FNTB: variants seen among roughly 807,000 people sequenced by gnomAD.
FNTB encodes the protein protein farnesyltransferase subunit beta.
In FNTB, 27 loss-of-function variants were observed where a neutral mutation model predicts 59.4. That is an observed-to-expected ratio of 0.45 (90% CI 0.34 to 0.63). FNTB has a LOEUF of 0.63. Among genes scored for constraint, FNTB ranks in the 20% least tolerant of loss-of-function variants. The pLI, the probability that FNTB is intolerant of heterozygous loss-of-function variation, is 0.02. For synonymous variants in FNTB, 230 were observed against 220.7 expected (o/e 1.04, Z -0.37); for missense variants, 449 against 559.6 (o/e 0.80, Z 1.99).
rs1484271652 is a variant in FNTB at position 64,990,527 on chromosome 14, G to T, written c.144+3430G>T. 6.6e-6 allele frequency among the ~76,000 whole-genome samples: 1 copy of T among 152,198 alleles called. No homozygotes were observed. The highest frequency in any genetic ancestry group is 1.5e-5 in the Non-Finnish European group (1 of 68,038). On this transcript the variant is annotated intron_variant, in intron 1 of 11. Coordinates refer to ENST00000246166, the MANE Select transcript of FNTB (RefSeq NM_002028.4). This position sits in a 1 kb window ranked among gnomAD's most constrained non-coding sequence, Gnocchi z 5.2. Reference sequence around the variant, plus strand: ...CTTCACACCTTCAGGTCTATGAGGAGTTCAGGTACCCCTGATTTACCAGCT... The same window carrying T: ...CTTCACACCTTCAGGTCTATGAGGATTTCAGGTACCCCTGATTTACCAGCT...
intron 9 of FNTB, among the ~76,000 whole-genome samples, chr14:65,052,971 T>C (rs563389184): frequency 5.4e-4 from 83 of 152,312 alleles, no homozygotes; most frequent in African/African-American, 1.7e-3. Flanking sequence ...AGAGATGTGG[T>C]TGAGGATCAC....
chr14:65,027,093 G>A lies in FNTB; in HGVS notation c.375-360G>A, dbSNP rs754617503. Among the ~76,000 whole-genome samples, 2 of 152,118 alleles carry A rather than the reference G, an allele frequency of 1.3e-5. No homozygotes were observed. Among genetic ancestry groups the A allele is most frequent in the African/African-American group, 2.4e-5 (1 of 41,418 alleles). On this transcript the variant is annotated intron_variant, in intron 4 of 11. Transcript: ENST00000246166. The surrounding 1 kb of genome is among the most constrained non-coding windows in gnomAD (Gnocchi z 5.7). ...CCCAAAGGCAAGGAGGAGGAGGCTG[G>A]TACCACAGGTCCAGGGCAGCAAGTT...
intron 3 of FNTB, among the ~76,000 whole-genome samples, chr14:65,013,729 G>A (rs2061721727): frequency 6.6e-6 from 1 of 152,252 alleles, no homozygotes; most frequent in South Asian, 2.1e-4. Flanking sequence ...TGTATTTTTA[G>A]TAGAGACAGG....
chr14:65,019,468 CAGA>C (rs1210556327), intron 4 of FNTB, among the ~76,000 whole-genome samples: 2 of 151,858 alleles, frequency 1.3e-5, no homozygotes, highest in Non-Finnish European at 1.5e-5. Flanking sequence ...GCCTGGGTAA[CAGA>C]AGGAGACTGT....
rs1453407236 is a variant in FNTB, at chr14:65,054,861, C to A, written c.1182+172C>A. On this transcript the variant is annotated intron_variant, in intron 11 of 11. Coordinates refer to ENST00000246166, the MANE Select transcript of FNTB (RefSeq NM_002028.4). This position sits in a 1 kb window ranked among gnomAD's most constrained non-coding sequence, Gnocchi z 4.4. ...AGTGAGGATGTGACCACAGAGGAGA[C>A]GCACCTCTGGGCAAGCTCAGGGTTC... is the stretch of plus-strand genomic sequence containing the variant. Among the ~76,000 whole-genome samples, 1 of 152,208 alleles carries A rather than the reference C, an allele frequency of 6.6e-6. No individual in the cohort carries two copies. The highest frequency in any genetic ancestry group is 1.5e-5 in the Non-Finnish European group (1 of 68,030).
rs778425184 is a variant in FNTB, at chr14:65,009,159, G to A, written c.210-3158G>A. ...AGAGGTGAGTTGAGAATGAAGGACC[G>A]GTGAGGGTATTAGTCAGCTTGGGCT... On this transcript the variant is annotated intron_variant, in intron 2 of 11. Coordinates refer to ENST00000246166, the MANE Select transcript of FNTB (RefSeq NM_002028.4). This position sits in a 1 kb window ranked among gnomAD's most constrained non-coding sequence, Gnocchi z 4.2. 5.9e-5 allele frequency among the ~76,000 whole-genome samples: 9 copies of A among 152,146 alleles called. No homozygotes were observed. Among genetic ancestry groups the A allele is most frequent in the Admixed American group, 3.3e-4 (5 of 15,278 alleles).
chr14:64,998,771 A>G (rs1041503052), intron 1 of FNTB, among the ~76,000 whole-genome samples: 3 of 152,240 alleles, frequency 2.0e-5, no homozygotes, highest in African/African-American at 7.2e-5. Context: ...AAGTGAATCT[A>G]TAGGTCTATA....
At chr14:65,039,505 C>T (rs888610459) in intron 7 of FNTB, among the ~76,000 whole-genome samples, 16 of 152,196 alleles carry the variant, frequency 1.1e-4, no homozygotes, top group Non-Finnish European at 2.1e-4. Context: ...TTGGTTCAGA[C>T]GCATTCCACT....
rs562569380 is a variant in FNTB, at chr14:65,030,236, C to T, written c.606-2374C>T. Among the ~76,000 whole-genome samples, 1 of 152,324 alleles carries T rather than the reference C, an allele frequency of 6.6e-6. No individual in the cohort carries two copies. The highest frequency in any genetic ancestry group is 2.1e-4 in the South Asian group (1 of 4,820). On this transcript the variant is annotated intron_variant, in intron 6 of 11. Transcript: ENST00000246166. The surrounding 1 kb of genome is among the most constrained non-coding windows in gnomAD (Gnocchi z 4.5). Reference sequence around the variant, plus strand: ...ACAATTGCAAGGAAATTAGACAGATCTTCAAAATTAGCTGCTGGTAGATGA... The same window carrying T: ...ACAATTGCAAGGAAATTAGACAGATTTTCAAAATTAGCTGCTGGTAGATGA...
intron 11 of FNTB, among the ~76,000 whole-genome samples, chr14:65,056,668 C>T (rs1189218595): frequency 6.6e-6 from 1 of 152,178 alleles, no homozygotes; most frequent in East Asian, 1.9e-4. Flanking sequence ...CATTTTCTTA[C>T]TGATGGGTAA....
rs1888201218 is a variant in FNTB at position 64,991,609 on chromosome 14, A to G, written c.144+4512A>G. ...ACAGAGCAAGACTCCATCTCAAAAA[A>G]GAAAAAAATAAGAAGAATATGCTAT... On this transcript the variant is annotated intron_variant, in intron 1 of 11. Transcript: ENST00000246166. The surrounding 1 kb of genome is among the most constrained non-coding windows in gnomAD (Gnocchi z 4.4). Among the ~76,000 whole-genome samples, 1 of 152,194 alleles carries G rather than the reference A, an allele frequency of 6.6e-6. No individual in the cohort carries two copies. Among genetic ancestry groups the G allele is most frequent in the African/African-American group, 2.4e-5 (1 of 41,442 alleles).
At chr14:65,046,474 G>T (rs147038172) in intron 9 of FNTB, among the ~76,000 whole-genome samples, 12 of 152,330 alleles carry the variant, frequency 7.9e-5, no homozygotes, top group African/African-American at 2.4e-4. Context: ...TTCCAGGGGG[G>T]CTGCTGGTTA....
rs2061693239 is a variant in FNTB, at chr14:65,012,149, T to C, written c.210-168T>C. On this transcript the variant is annotated intron_variant, in intron 2 of 11. Transcript: ENST00000246166. This position sits in a 1 kb window ranked among gnomAD's most constrained non-coding sequence, Gnocchi z 5.0. ...CATTCAGACAAGAGCTTCTTTTCTC[T>C]GGTTTAGTTGCTCTTTGGAACCAGA... 1.5e-6 allele frequency: 1 copy of C among 684,514 alleles called. No homozygotes were observed. Among genetic ancestry groups the C allele is most frequent in the African/African-American group, 1.8e-5 (1 of 55,010 alleles). 42.4% of individuals were successfully genotyped at this position (684,514 alleles called of 1,614,324 possible). A position where few individuals can be genotyped will look rare whatever the true frequency, so the allele number is the denominator to read the frequency against.
intron 7 of FNTB, among the ~76,000 whole-genome samples, chr14:65,034,096 A>G (rs921363016): frequency 3.9e-5 from 6 of 152,252 alleles, no homozygotes; most frequent in South Asian, 4.1e-4. Flanking sequence ...TCCTTCCCAA[A>G]TTGTCTGTCA....
chr14:65,052,881 G>T (rs1431513859), intron 9 of FNTB, among the ~76,000 whole-genome samples: 1 of 152,182 alleles, frequency 6.6e-6, no homozygotes, highest in Non-Finnish European at 1.5e-5. Flanking sequence ...CCAGGGTAGA[G>T]TTATGGACCA....
chr14:65,053,132 G>T, intron 9 of FNTB, 106 bp from the exon 10 acceptor site: 1 of 812,654 alleles, frequency 1.2e-6, no homozygotes, highest in Non-Finnish European at 1.7e-6. Flanking sequence ...GGAAGAGGAA[G>T]GGGAGCAGGA....
chr14:65,037,394 C>T (rs1424268125), intron 7 of FNTB, among the ~76,000 whole-genome samples: 6 of 120,156 alleles, frequency 5.0e-5, no homozygotes, highest in Admixed American at 3.7e-4. Flanking sequence ...TGAGCCACCA[C>T]GCCGGGCCCT....
chr14:65,032,281 A>G lies in FNTB; in HGVS notation c.606-329A>G, dbSNP rs561288101. The G allele has an allele frequency of 7.9e-5, 16 of 202,376 alleles. No individual in the cohort carries two copies. In the South Asian group the frequency reaches 2.2e-3, roughly 28 times the overall value. 12.5% of individuals were successfully genotyped at this position (202,376 alleles called of 1,614,324 possible). On this transcript the variant is annotated intron_variant, in intron 6 of 11. Coordinates refer to ENST00000246166, the MANE Select transcript of FNTB (RefSeq NM_002028.4). This position sits in a 1 kb window ranked among gnomAD's most constrained non-coding sequence, Gnocchi z 5.0. The stretch of plus-strand genomic sequence containing the variant: ...TGAATGATACCATAGATTTATGGCA[A>G]CCATTATAGGTCTTTGAAAGAAGAG...
intron 1 of FNTB, among the ~76,000 whole-genome samples, chr14:64,989,859 A>G (rs529245062): frequency 1.3e-5 from 2 of 152,356 alleles, no homozygotes; most frequent in South Asian, 4.1e-4. Flanking sequence ...CTATCTCAAT[A>G]TAAAATGTTA....
Sources: gnomAD v4.1 joint callset for allele counts (sites outside exome capture counted in the v4.1 genomes callset) on GRCh38, gnomAD v4.1.1 for gene constraint, Gnocchi (gnomAD v3.1) non-coding constraint, MANE v1.5 for transcripts, NCBI Gene and HGNC (gene_info 2026-07-23, HGNC 2026-07-21) for gene names.